The following SPMIP11 variants were observed in gnomAD, a reference collection of about 807,000 sequenced individuals.
The protein encoded by SPMIP11 is sperm microtubule inner protein 11.
the SPMIP11 span, among the ~76,000 whole-genome samples, chr12:48,729,812 C>A: frequency 2.0e-5 from 3 of 152,058 alleles, no homozygotes; most frequent in East Asian, 5.8e-4. Context: ...GTTTTACTAT[C>A]CAGCTTCCAG....
the SPMIP11 span, among the ~76,000 whole-genome samples, chr12:48,736,505 A>G: frequency 1.3e-5 from 2 of 152,048 alleles, no homozygotes; most frequent in Non-Finnish European, 2.9e-5. Context: ...CAATACTTCA[A>G]CAGCTCTGCC....
the SPMIP11 span, among the ~76,000 whole-genome samples, chr12:48,762,235 T>C: frequency 6.7e-6 from 1 of 149,964 alleles, no homozygotes; most frequent in East Asian, 2.0e-4. Context: ...ATTTTTTGTA[T>C]TTTTAGTAGA....
At chr12:48,754,048 G>A in the SPMIP11 span, among the ~76,000 whole-genome samples, 3 of 151,958 alleles carry the variant, frequency 2.0e-5, no homozygotes, top group African/African-American at 7.3e-5. Flanking sequence ...AGAATGAATT[G>A]GCCAGAGCCA....
the SPMIP11 span, among the ~76,000 whole-genome samples, chr12:48,738,492 G>A: frequency 1.7e-4 from 26 of 151,948 alleles, 1 homozygote; most frequent in South Asian, 5.4e-3. Context: ...CTCTCCATAA[G>A]CTGTTTGAGT....
the SPMIP11 span, among the ~76,000 whole-genome samples, chr12:48,750,930 C>T: frequency 6.6e-6 from 1 of 152,222 alleles, no homozygotes; most frequent in Non-Finnish European, 1.5e-5. Context: ...TTCTGTGGTT[C>T]AAATCAGCCA....
At chr12:48,741,069 CT>C in the SPMIP11 span, among the ~76,000 whole-genome samples, 23,153 of 112,432 alleles carry the variant, frequency 0.21, 1,465 homozygotes, top group Middle Eastern at 0.26. Flanking sequence ...ATGATATTGA[CT>C]TTTTTTTTTT....
At chr12:48,746,360 CTTTTTTTTTTTT>C in the SPMIP11 span, among the ~76,000 whole-genome samples, 2 of 101,234 alleles carry the variant, frequency 2.0e-5, no homozygotes, top group South Asian at 3.4e-4. Flanking sequence ...ACTATAATTC[CTTTTTTTTTTTT>C]TTTTTTTTTT....
the SPMIP11 span, chr12:48,770,755 A>C: frequency 6.2e-7 from 1 of 1,612,418 alleles, no homozygotes; most frequent in East Asian, 2.2e-5. Context: ...CAAGCAACAA[A>C]GCCCTCTTAC....
the SPMIP11 span, among the ~76,000 whole-genome samples, chr12:48,753,183 C>T: frequency 2.6e-5 from 4 of 152,202 alleles, no homozygotes; most frequent in Non-Finnish European, 5.9e-5. Context: ...GAGAAAATCT[C>T]TGCGAGATTT....
At chr12:48,744,314 G>A in the SPMIP11 span, among the ~76,000 whole-genome samples, 1 of 151,758 alleles carries the variant, frequency 6.6e-6, no homozygotes, top group Non-Finnish European at 1.5e-5. Flanking sequence ...GCTGAGGCAT[G>A]AGAATCGCTT....
chr12:48,766,035 A>T, the SPMIP11 span, among the ~76,000 whole-genome samples: 1 of 152,148 alleles, frequency 6.6e-6, no homozygotes. Flanking sequence ...CACACTCTGA[A>T]GATACTGCAG....
At chr12:48,762,121 C>T in the SPMIP11 span, among the ~76,000 whole-genome samples, 4 of 135,238 alleles carry the variant, frequency 3.0e-5, no homozygotes, top group Middle Eastern at 4.3e-3. Context: ...TGCAGTGGCG[C>T]GATCTCGGCT....
the SPMIP11 span, chr12:48,727,498 G>C: frequency 1.4e-6 from 1 of 702,928 alleles, no homozygotes; most frequent in Non-Finnish European, 2.6e-6. Flanking sequence ...TCTTCAACTT[G>C]TATCTATTGG....
At chr12:48,728,727 A>G in the SPMIP11 span, among the ~76,000 whole-genome samples, 71 of 151,106 alleles carry the variant, frequency 4.7e-4, no homozygotes, top group Non-Finnish European at 8.9e-4. Flanking sequence ...AAAAAAAAAA[A>G]AAAAGAAGGG....
chr12:48,751,757 C>T, the SPMIP11 span, among the ~76,000 whole-genome samples: 5 of 151,892 alleles, frequency 3.3e-5, no homozygotes, highest in East Asian at 9.7e-4. Context: ...GTAGAGACTG[C>T]ACAATAAGTA....
chr12:48,751,601 T>G, the SPMIP11 span, among the ~76,000 whole-genome samples: 1 of 152,078 alleles, frequency 6.6e-6, no homozygotes, highest in East Asian at 1.9e-4. Flanking sequence ...TGAGACTGAC[T>G]CAAAAACAAA....
chr12:48,732,781 A>G, the SPMIP11 span, among the ~76,000 whole-genome samples: 1 of 150,278 alleles, frequency 6.7e-6, no homozygotes, highest in East Asian at 2.0e-4. Context: ...AAAAAAAAAA[A>G]AGAAAGTTGA....
the SPMIP11 span, among the ~76,000 whole-genome samples, chr12:48,749,558 C>A: frequency 3.2e-4 from 45 of 141,734 alleles, no homozygotes; most frequent in Non-Finnish European, 5.0e-4. Context: ...TTGCTTGAAC[C>A]CAGGAGGCAG....
chr12:48,746,474 C>A, the SPMIP11 span, among the ~76,000 whole-genome samples: 1 of 145,552 alleles, frequency 6.9e-6, no homozygotes, highest in Non-Finnish European at 1.5e-5. Flanking sequence ...TCAAGCAATT[C>A]TTCTGCCTCA....
Sources: gnomAD v4.1 joint callset for allele counts (sites outside exome capture counted in the v4.1 genomes callset) on GRCh38, gnomAD v4.1.1 for gene constraint, MANE v1.5 for transcripts, NCBI Gene and HGNC (gene_info 2026-07-23, HGNC 2026-07-21) for gene names.